SNX25: variants seen among roughly 807,000 people sequenced by gnomAD.
SNX25 encodes sorting nexin 25, also known as sorting nexin-25.
Under a neutral mutation model 113.7 loss-of-function variants are expected in SNX25, and 62 were observed. The observed-to-expected ratio is 0.55, with a 90% CI of 0.44 to 0.67. The LOEUF (loss-of-function observed/expected upper bound fraction) is 0.67. Ranked by LOEUF, SNX25 falls within the 30% of genes least tolerant of loss-of-function variation. The probability of loss-of-function intolerance (pLI) is 0.00; values close to 1 mark genes in which losing one functional copy is unlikely to be tolerated. For missense variants in SNX25, 1,014 were observed against 1,161.0 expected, an observed-to-expected ratio of 0.87 and a Z score of 1.84; for synonymous variants, 421 against 436.2, an observed-to-expected ratio of 0.97 and a Z score of 0.43.
chr4:185,370,760 G>A (rs1274499691), downstream of SNX25: 1 of 1,614,156 alleles, frequency 6.2e-7, no homozygotes, highest in Non-Finnish European at 8.5e-7. Flanking sequence ...CCGGGAGACA[G>A]TCTGTGACCT....
At chr4:185,214,179 G>C (rs1176502458) in intron 1 of SNX25, among the ~76,000 whole-genome samples, 1 of 151,970 alleles carries the variant, frequency 6.6e-6, no homozygotes, top group Non-Finnish European at 1.5e-5. Flanking sequence ...CCAGCCCTTA[G>C]AGACTTCTTA....
At chr4:185,350,576 T>C (rs888018996) in intron 13 of SNX25, among the ~76,000 whole-genome samples, 2 of 152,144 alleles carry the variant, frequency 1.3e-5, no homozygotes, top group Non-Finnish European at 2.9e-5. Context: ...GAAACTGTTA[T>C]ATATGGCCAG....
chr4:185,337,089 A>G (rs754496825), intron 10 of SNX25, among the ~76,000 whole-genome samples: 4 of 152,156 alleles, frequency 2.6e-5, no homozygotes, highest in African/African-American at 4.8e-5. Flanking sequence ...TAGATCATGA[A>G]GATTTTTTTC....
At chr4:185,234,060 G>A (rs1390503677) in intron 1 of SNX25, among the ~76,000 whole-genome samples, 4 of 151,844 alleles carry the variant, frequency 2.6e-5, no homozygotes, top group Non-Finnish European at 4.4e-5. Flanking sequence ...GGGTTTCACC[G>A]TGTTAGCCAG....
chr4:185,365,284 C>T (rs932316379), downstream of SNX25: 1 of 152,060 alleles, frequency 6.6e-6, no homozygotes, highest in African/African-American at 2.4e-5. Context: ...TTCTGAAACC[C>T]ATCTTTAATG....
chr4:185,243,436 T>G (rs754846746), intron 1 of SNX25, among the ~76,000 whole-genome samples: 1 of 151,906 alleles, frequency 6.6e-6, no homozygotes, highest in Non-Finnish European at 1.5e-5. Flanking sequence ...ATGGGGAAAC[T>G]CCCATCTTTA....
At chr4:185,293,471 G>A (rs1752446912) in intron 6 of SNX25, among the ~76,000 whole-genome samples, 1 of 152,170 alleles carries the variant, frequency 6.6e-6, no homozygotes. Context: ...AAAACCATAT[G>A]CTAAGTGAAA....
intron 1 of SNX25, among the ~76,000 whole-genome samples, chr4:185,240,512 T>C (rs78157557): frequency 1.2e-4 from 17 of 136,698 alleles, no homozygotes; most frequent in Admixed American, 4.4e-4. Context: ...GGCGGCTGGC[T>C]GGGCGGGGGG....
chr4:185,320,220 G>A (rs1349302146), intron 7 of SNX25, among the ~76,000 whole-genome samples: 1 of 152,146 alleles, frequency 6.6e-6, no homozygotes, highest in Non-Finnish European at 1.5e-5. Flanking sequence ...AGTCATGGAA[G>A]CAGCCCAAAT....
At chr4:185,313,375 A>G (rs1431456999) in intron 7 of SNX25, among the ~76,000 whole-genome samples, 6 of 152,228 alleles carry the variant, frequency 3.9e-5, no homozygotes, top group Admixed American at 1.3e-4. Context: ...AGAATAATCA[A>G]ATGTTCTCAA....
intron 1 of SNX25, among the ~76,000 whole-genome samples, chr4:185,235,434 G>A (rs1273392613): frequency 6.6e-6 from 1 of 152,196 alleles, no homozygotes; most frequent in Admixed American, 6.5e-5. Context: ...CAGAGGACCT[G>A]GGCTTTCAAG....
At position 185,363,313 on chromosome 4, in the gene SNX25, T is replaced by C; in HGVS notation, c.2935-72T>C. 1 of 1,425,796 alleles carries C rather than the reference T, an allele frequency of 7.0e-7. No homozygotes were observed. Among genetic ancestry groups the C allele is most frequent in the East Asian group, 2.3e-5 (1 of 42,776 alleles). The allele number at this position is 1,425,796 out of a possible 1,614,324, so 88.3% of individuals were successfully genotyped here. A position where few individuals can be genotyped will look rare whatever the true frequency, so the allele number is the denominator to read the frequency against. ...CCTAAAATTAGACTTTTCTCTTAGATGCAGATATTTATTTTGAATAAACCC... is the reference window on the plus strand; with the variant it reads ...CCTAAAATTAGACTTTTCTCTTAGACGCAGATATTTATTTTGAATAAACCC... On this transcript the variant is annotated intron_variant, in intron 18 of 18. Coordinates refer to ENST00000652585, the MANE Select transcript of SNX25 (RefSeq NM_001378034.2). The surrounding 1 kb of genome is among the most constrained non-coding windows in gnomAD (Gnocchi z 4.2).
At chr4:185,262,816 C>T (rs1050219280) in intron 3 of SNX25, among the ~76,000 whole-genome samples, 4 of 152,218 alleles carry the variant, frequency 2.6e-5, no homozygotes, top group African/African-American at 4.8e-5. Context: ...TTGATCCACA[C>T]GGAACACAGT....
chr4:185,361,648 G>GCT (rs2095364606), intron 16 of SNX25, among the ~76,000 whole-genome samples: 1 of 152,062 alleles, frequency 6.6e-6, no homozygotes, highest in African/African-American at 2.4e-5. Context: ...TGAGGCAGGA[G>GCT]AATCACTTGA....
At chr4:185,318,226 G>A (rs2126679751) in intron 7 of SNX25, among the ~76,000 whole-genome samples, 1 of 152,190 alleles carries the variant, frequency 6.6e-6, no homozygotes, top group East Asian at 1.9e-4. Context: ...CAAAATGTAA[G>A]TTTTTATTTA....
chr4:185,296,239 A>T (rs1476498498), intron 6 of SNX25, among the ~76,000 whole-genome samples: 3 of 152,176 alleles, frequency 2.0e-5, no homozygotes, highest in African/African-American at 4.8e-5. Context: ...AAGTTTCAAC[A>T]TGAATTTTGG....
At chr4:185,237,957 G>A (rs190975249) in intron 1 of SNX25, among the ~76,000 whole-genome samples, 65 of 150,632 alleles carry the variant, frequency 4.3e-4, no homozygotes, top group African/African-American at 1.5e-3. Context: ...CAGCTACCCA[G>A]GAGGCTGAGG....
chr4:185,327,729 A>C (rs1397532009), intron 9 of SNX25, among the ~76,000 whole-genome samples: 1 of 152,218 alleles, frequency 6.6e-6, no homozygotes, highest in Admixed American at 6.5e-5. Context: ...GCCTAAGGCC[A>C]CCAGATTAGA....
At chr4:185,239,378 G>T (rs577491723) in intron 1 of SNX25, among the ~76,000 whole-genome samples, 3 of 151,884 alleles carry the variant, frequency 2.0e-5, no homozygotes, top group Non-Finnish European at 4.4e-5. Flanking sequence ...AGCTACTCGG[G>T]AGGCTGAGGC....
Sources: gnomAD v4.1 joint callset for allele counts (sites outside exome capture counted in the v4.1 genomes callset) on GRCh38, gnomAD v4.1.1 for gene constraint, Gnocchi (gnomAD v3.1) non-coding constraint, MANE v1.5 for transcripts, NCBI Gene and HGNC (gene_info 2026-07-23, HGNC 2026-07-21) for gene names.